The following ZMYND15 variants were observed in gnomAD, a reference collection of about 807,000 sequenced individuals.
ZMYND15 encodes the protein zinc finger MYND domain-containing protein 15.
ZMYND15 carries 54 observed loss-of-function variants against 81.7 expected under a neutral mutation model. That is an observed-to-expected ratio of 0.66 (90% CI 0.53 to 0.83). ZMYND15 has a LOEUF of 0.83. Among genes scored for constraint, ZMYND15 ranks in the 40% least tolerant of loss-of-function variants. The pLI, the probability that ZMYND15 is intolerant of heterozygous loss-of-function variation, is 0.00. For missense variants in ZMYND15, 925 were observed against 973.5 expected (o/e 0.95, Z 0.66); for synonymous variants, 399 against 387.0 (o/e 1.03, Z -0.36).
At position 4,744,390 on chromosome 17, in the gene ZMYND15, C is replaced by A. The variant is rs1156672313; in HGVS notation, c.1606C>A (p.His536Asn). 2 of 1,614,120 alleles carry A rather than the reference C, an allele frequency of 1.2e-6. No homozygotes were observed. The highest frequency in any genetic ancestry group is 1.6e-4 in the Middle Eastern group (1 of 6,062). The change falls in exon 10 of 14, where the codon CAT (histidine) becomes AAT (asparagine). Residue 536 changes from histidine to asparagine, a missense_variant. By Grantham distance (68) the His-to-Asn change is moderately conservative. Coordinates refer to ENST00000433935, the MANE Select transcript of ZMYND15 (RefSeq NM_001136046.3). This position sits in a 1 kb window ranked among gnomAD's most constrained non-coding sequence, Gnocchi z 4.1. ...TCAGGAGCTTTTGGTCCTGCTCCCC[C>A]ATGTGGCCCTGGAGCTGCAGTTTGT... ...VFWELLVLLP[H>N]VALELQFVGD...
At position 4,745,055 on chromosome 17, in the gene ZMYND15, C is replaced by A; in HGVS notation, c.1896+127C>A. ...CTGCTCCACAAACCTGGGGAGTGCCCACGGGTCCCCCTGCCTCTCTCTGTG... is the reference window on the plus strand; with the variant it reads ...CTGCTCCACAAACCTGGGGAGTGCCAACGGGTCCCCCTGCCTCTCTCTGTG... On this transcript the variant is annotated intron_variant, in intron 12 of 13. Coordinates refer to ENST00000433935, the MANE Select transcript of ZMYND15 (RefSeq NM_001136046.3). This position sits in a 1 kb window ranked among gnomAD's most constrained non-coding sequence, Gnocchi z 5.2. 6.5e-7 allele frequency: 1 copy of A among 1,531,642 alleles called. No homozygotes were observed. Among genetic ancestry groups the A allele is most frequent in the Non-Finnish European group, 9.0e-7 (1 of 1,113,596 alleles). The allele number at this position is 1,531,642 out of a possible 1,614,324, so 94.9% of individuals were successfully genotyped here.
At position 4,745,957 on chromosome 17, in the gene ZMYND15, G is replaced by A; in HGVS notation, c.2196G>A (p.Lys732=). ...CCACCCGAAGGCGCCGAGGAGAAAAGAAACCTGGGCGGGGGGCCCGCCGGC... is the reference window on the plus strand; with the variant it reads ...CCACCCGAAGGCGCCGAGGAGAAAAAAAACCTGGGCGGGGGGCCCGCCGGC... ...PAPTRRRRGE[K]KPGRGARRRK Residue 732 remains lysine (K), a synonymous_variant, in exon 14 of 14, where the codon AAG becomes AAA. Transcript: ENST00000433935. This position sits in a 1 kb window ranked among gnomAD's most constrained non-coding sequence, Gnocchi z 5.2. The A allele has an allele frequency of 6.8e-7, 1 of 1,461,290 alleles. No individual in the cohort carries two copies. The highest frequency in any genetic ancestry group is 9.0e-7 in the Non-Finnish European group (1 of 1,110,926). 90.5% of individuals were successfully genotyped at this position (1,461,290 alleles called of 1,614,324 possible).
At position 4,744,336 on chromosome 17, in the gene ZMYND15, G is replaced by A; in HGVS notation, c.1585-33G>A. 1.2e-6 allele frequency: 2 copies of A among 1,613,738 alleles called. No homozygotes were observed. Among genetic ancestry groups the A allele is most frequent in the Non-Finnish European group, 1.7e-6 (2 of 1,179,620 alleles). ...TTGGTATGGGGGTGGGCACAGGGTA[G>A]ACCCCAGATCTTTCTTTCTTTCTGT... On this transcript the variant is annotated intron_variant, in intron 9 of 13. Transcript: ENST00000433935. This position sits in a 1 kb window ranked among gnomAD's most constrained non-coding sequence, Gnocchi z 4.1.
chr17:4,743,769 G>T lies in ZMYND15; in HGVS notation c.1300G>T (p.Asp434Tyr), dbSNP rs1916540308. Residue 434 changes from aspartate to tyrosine, a missense_variant and splice_region_variant, in exon 7 of 14, where the codon GAC becomes TAC. Physicochemically the swap from Asp to Tyr is radical, Grantham distance 160. Transcript: ENST00000433935. This position sits in a 1 kb window ranked among gnomAD's most constrained non-coding sequence, Gnocchi z 4.3. Reference sequence around the variant, plus strand: ...CCCTCCTTCTTTCATCCTCTCAGGAGACCCCTACCAGCTTCTCCAGGGAGA... The same window carrying T: ...CCCTCCTTCTTTCATCCTCTCAGGATACCCCTACCAGCTTCTCCAGGGAGA... ...TPSLSLLRGG[D>Y]PYQLLQGDGT... is the part of the protein sequence containing the mutation. 5 of 1,613,550 alleles carry T rather than the reference G, an allele frequency of 3.1e-6. No homozygotes were observed. The highest frequency in any genetic ancestry group is 4.2e-6 in the Non-Finnish European group (5 of 1,179,862).
At position 4,744,746 on chromosome 17, in the gene ZMYND15, T is replaced by G; in HGVS notation, c.1805T>G (p.Leu602Arg). 1 of 1,614,146 alleles carries G rather than the reference T, an allele frequency of 6.2e-7. No homozygotes were observed. Among genetic ancestry groups the G allele is most frequent in the South Asian group, 1.1e-5 (1 of 91,086 alleles). ...QIKVSARPYH[L>R]FQGPKPDLVI... ...AAGGTGTCAGCAAGGCCCTACCACC[T>G]GTTCCAGGGGCCCAAGCCTGACCTG... is the stretch of plus-strand genomic sequence containing the variant. Residue 602 changes from leucine to arginine, a missense_variant, in exon 11 of 14, where the codon CTG (leucine) becomes CGG (arginine). By Grantham distance (102) the Leu-to-Arg change is moderately radical. Coordinates refer to ENST00000433935, the MANE Select transcript of ZMYND15 (RefSeq NM_001136046.3). This position sits in a 1 kb window ranked among gnomAD's most constrained non-coding sequence, Gnocchi z 4.1.
chr17:4,744,123 T>A lies in ZMYND15; in HGVS notation c.1495+16T>A, dbSNP rs1466109934. On this transcript the variant is annotated intron_variant, in intron 8 of 13. Transcript: ENST00000433935. This position sits in a 1 kb window ranked among gnomAD's most constrained non-coding sequence, Gnocchi z 4.1. Reference sequence around the variant, plus strand: ...CCCCAGTCCTGTAAGGAGAGCGGAGTGGGGGGTGGAGCAGGATGGGGGAGT... The same window carrying A: ...CCCCAGTCCTGTAAGGAGAGCGGAGAGGGGGGTGGAGCAGGATGGGGGAGT... The A allele has an allele frequency of 6.2e-7, 1 of 1,608,298 alleles. No homozygotes were observed. Among genetic ancestry groups the A allele is most frequent in the Non-Finnish European group, 8.5e-7 (1 of 1,177,224 alleles).
chr17:4,744,529 C>T lies in ZMYND15; in HGVS notation c.1683+62C>T. 2 of 1,607,914 alleles carry T rather than the reference C, an allele frequency of 1.2e-6. No individual in the cohort carries two copies. The highest frequency in any genetic ancestry group is 1.7e-6 in the Non-Finnish European group (2 of 1,175,980). ...CCCTCCAGTGACCTCCTGGTTGGGT[C>T]CTGCCCTTCTGCCCCCCACTCCCCA... is the stretch of plus-strand genomic sequence containing the variant. On this transcript the variant is annotated intron_variant, in intron 10 of 13. Coordinates refer to ENST00000433935, the MANE Select transcript of ZMYND15 (RefSeq NM_001136046.3). This position sits in a 1 kb window ranked among gnomAD's most constrained non-coding sequence, Gnocchi z 4.1.
Position 4,744,699 on chromosome 17 carries a change from G to A in ZMYND15, c.1758G>A (p.Gly586=), listed in dbSNP as rs777582204. Residue 586 remains glycine (G), a synonymous_variant, in exon 11 of 14, where the codon GGG becomes GGA. Coordinates refer to ENST00000433935, the MANE Select transcript of ZMYND15 (RefSeq NM_001136046.3). This position sits in a 1 kb window ranked among gnomAD's most constrained non-coding sequence, Gnocchi z 4.1. The part of the protein sequence containing the change: ...ARPSSGTKEK[G]GRRDLQIKVS... Reference sequence around the variant, plus strand: ...CCAGCTCTGGCACTAAGGAGAAAGGGGGCCGCAGGGACCTGCAGATCAAGG... The same window carrying A: ...CCAGCTCTGGCACTAAGGAGAAAGGAGGCCGCAGGGACCTGCAGATCAAGG... The A allele has an allele frequency of 2.5e-6, 4 of 1,614,070 alleles. No individual in the cohort carries two copies. The highest frequency in any genetic ancestry group is 1.7e-5 in the Admixed American group (1 of 60,020).
chr17:4,745,223 A>G lies in ZMYND15; in HGVS notation c.1905A>G (p.Arg635=), dbSNP rs1476052839. 5.6e-6 allele frequency: 9 copies of G among 1,613,806 alleles called. No homozygotes were observed. Among genetic ancestry groups the G allele is most frequent in the Non-Finnish European group, 5.9e-6 (7 of 1,179,950 alleles). The change falls in exon 13 of 14, where the codon CGA becomes CGG. Residue 635 remains arginine, a synonymous_variant. Transcript: ENST00000433935. The surrounding 1 kb of genome is among the most constrained non-coding windows in gnomAD (Gnocchi z 5.2). ...CTCTCGCTCCACCCCAGTCCCTCCG[A>G]GTGCCAGCCTTCTTCACCGAGAGCA... ...LRSLPRLQSL[R]VPAFFTESSE... is the part of the protein sequence containing the mutation.
rs1207110889 is a variant in ZMYND15, at chr17:4,741,826, T to G, written c.827+10T>G. The G allele has an allele frequency of 6.3e-7, 1 of 1,575,632 alleles. No homozygotes were observed. The highest frequency in any genetic ancestry group is 8.6e-7 in the Non-Finnish European group (1 of 1,159,358). ...ATGCCCGGCTGCATCGGTATAGAAA[T>G]CTGGTATCTGAGGCTGGGGAGGACT... On this transcript the variant is annotated intron_variant, in intron 3 of 13. Coordinates refer to ENST00000433935, the MANE Select transcript of ZMYND15 (RefSeq NM_001136046.3).
rs1410246864 is a variant in ZMYND15 at position 4,744,129 on chromosome 17, G to T, written c.1495+22G>T. 4 of 1,610,968 alleles carry T rather than the reference G, an allele frequency of 2.5e-6. No homozygotes were observed. The highest frequency in any genetic ancestry group is 3.4e-5 in the Admixed American group (2 of 59,420). Reference sequence around the variant, plus strand: ...TCCTGTAAGGAGAGCGGAGTGGGGGGTGGAGCAGGATGGGGGAGTGAGAGT... The same window carrying T: ...TCCTGTAAGGAGAGCGGAGTGGGGGTTGGAGCAGGATGGGGGAGTGAGAGT... On this transcript the variant is annotated intron_variant, in intron 8 of 13. Coordinates refer to ENST00000433935, the MANE Select transcript of ZMYND15 (RefSeq NM_001136046.3). This position sits in a 1 kb window ranked among gnomAD's most constrained non-coding sequence, Gnocchi z 4.1.
In ZMYND15 at chr17:4,743,415, C is replaced by A. The variant is rs1486474822; in HGVS notation, c.1257C>A (p.His419Gln). Residue 419 changes from histidine (H) to glutamine (Q), a missense_variant, in exon 6 of 14, where the codon CAC becomes CAA. By Grantham distance (24) the His-to-Gln change is conservative (BLOSUM62 0). Transcript: ENST00000433935. The surrounding 1 kb of genome is among the most constrained non-coding windows in gnomAD (Gnocchi z 4.3). Reference protein sequence around the residue: ...MLIPGPGFSRHPRGNTPSLSL... With the variant: ...MLIPGPGFSRQPRGNTPSLSL... ...TTCCAGGCCCGGGCTTCTCCAGACA[C>A]CCCCGAGGCAACACGCCATCCCTCA... 2.5e-6 allele frequency: 4 copies of A among 1,609,426 alleles called. No individual in the cohort carries two copies. The Admixed American group carries it at 6.7e-5, about 27-fold the overall frequency.
rs768351433 is a variant in ZMYND15 at position 4,744,492 on chromosome 17, T to C, written c.1683+25T>C. ...GGTGAGGGCTGAGGGGGCCCTGCTT[T>C]TCAGCCCTGACCCCTCCAGTGACCT... On this transcript the variant is annotated intron_variant, in intron 10 of 13. Transcript: ENST00000433935. The surrounding 1 kb of genome is among the most constrained non-coding windows in gnomAD (Gnocchi z 4.1). The C allele has an allele frequency of 6.2e-7, 1 of 1,613,720 alleles. No homozygotes were observed. The highest frequency in any genetic ancestry group is 1.1e-5 in the South Asian group (1 of 91,068).
Position 4,745,058 on chromosome 17 carries a change from G to A in ZMYND15, c.1896+130G>A. ...CTCCACAAACCTGGGGAGTGCCCAC[G>A]GGTCCCCCTGCCTCTCTCTGTGTCT... On this transcript the variant is annotated intron_variant, in intron 12 of 13. Coordinates refer to ENST00000433935, the MANE Select transcript of ZMYND15 (RefSeq NM_001136046.3). The surrounding 1 kb of genome is among the most constrained non-coding windows in gnomAD (Gnocchi z 5.2). The A allele has an allele frequency of 6.5e-7, 1 of 1,528,312 alleles. No homozygotes were observed. Among genetic ancestry groups the A allele is most frequent in the Non-Finnish European group, 9.0e-7 (1 of 1,111,212 alleles). 94.7% of individuals were successfully genotyped at this position (1,528,312 alleles called of 1,614,324 possible).
intron 1 of ZMYND15, 186 bp downstream of exon 1, chr17:4,740,236 C>T (rs1597502001): frequency 1.8e-6 from 1 of 564,090 alleles, no homozygotes. Flanking sequence ...TTAATTTAAA[C>T]TCTGCTTTTG....
In ZMYND15 at chr17:4,744,175, T is replaced by G. The variant is rs767157137; in HGVS notation, c.1496-15T>G. 6.2e-7 allele frequency: 1 copy of G among 1,613,992 alleles called. No individual in the cohort carries two copies. Among genetic ancestry groups the G allele is most frequent in the Admixed American group, 1.7e-5 (1 of 60,010 alleles). On this transcript the variant is annotated splice_polypyrimidine_tract_variant and intron_variant, in intron 8 of 13. Transcript: ENST00000433935. The surrounding 1 kb of genome is among the most constrained non-coding windows in gnomAD (Gnocchi z 4.1). ...AGAGTGGACCACATCCTTAAAGCGC[T>G]GGTTTTTCACCCAGTCCCTGAGCTC... is the stretch of plus-strand genomic sequence containing the variant.
At position 4,742,459 on chromosome 17, in the gene ZMYND15, A is replaced by G. The variant is rs2150628206; in HGVS notation, c.1112A>G (p.Glu371Gly). Reference sequence around the variant, plus strand: ...GCAGCCTTCATGGAGCGGGCAGGAGAACTGGCAACCCTGCCTTTTACCTAC... The same window carrying G: ...GCAGCCTTCATGGAGCGGGCAGGAGGACTGGCAACCCTGCCTTTTACCTAC... Reference protein sequence around the residue: ...RLAAFMERAGELATLPFTYTA... With the variant: ...RLAAFMERAGGLATLPFTYTA... Residue 371 changes from glutamate to glycine, a missense_variant, in exon 5 of 14, where the codon GAA (glutamate) becomes GGA (glycine). By Grantham distance (98) the Glu-to-Gly change is moderately conservative. Coordinates refer to ENST00000433935, the MANE Select transcript of ZMYND15 (RefSeq NM_001136046.3). The G allele has an allele frequency of 1.2e-6, 2 of 1,614,032 alleles. No homozygotes were observed. The highest frequency in any genetic ancestry group is 1.7e-4 in the Middle Eastern group (1 of 6,022).
chr17:4,740,858 A>G lies in ZMYND15; in HGVS notation c.310A>G (p.Ile104Val), dbSNP rs1330078948. Reference sequence around the variant, plus strand: ...CCACCTGCGAGACCTGAGCCCCTACATCAGCTTTGTCAGCCTAGAGGATGG... The same window carrying G: ...CCACCTGCGAGACCTGAGCCCCTACGTCAGCTTTGTCAGCCTAGAGGATGG... ...PLHLRDLSPY[I>V]SFVSLEDGEE... Residue 104 changes from isoleucine to valine, a missense_variant, in exon 2 of 14, where the codon ATC (isoleucine) becomes GTC (valine). By Grantham distance (29) the Ile-to-Val change is conservative. Transcript: ENST00000433935. 1 of 1,574,730 alleles carries G rather than the reference A, an allele frequency of 6.4e-7. No homozygotes were observed. The highest frequency in any genetic ancestry group is 2.2e-5 in the East Asian group (1 of 44,450).
rs1041337963 is a variant in ZMYND15 at position 4,740,139 on chromosome 17, C to T, written c.-31+89C>T. 23 of 923,912 alleles carry T rather than the reference C, an allele frequency of 2.5e-5. No homozygotes were observed. The Admixed American group carries it at 7.4e-4, about 30-fold the overall frequency. 57.2% of individuals were successfully genotyped at this position (923,912 alleles called of 1,614,324 possible). ...CGAGCCCAGGGAACCCCCTCGCTCC[C>T]ACTCCCATACCCCACAGACGCATCC... On this transcript the variant is annotated intron_variant, in intron 1 of 13. Coordinates refer to ENST00000433935, the MANE Select transcript of ZMYND15 (RefSeq NM_001136046.3).
Sources: gnomAD v4.1 joint callset for allele counts on GRCh38, gnomAD v4.1.1 for gene constraint, Gnocchi (gnomAD v3.1) non-coding constraint, MANE v1.5 for transcripts, NCBI Gene and HGNC (gene_info 2026-07-23, HGNC 2026-07-21) for gene names.